Variants in SV2C observed in about 807,000 individuals in gnomAD.
SV2C encodes the protein solute carrier family 22 member B3.
Under a neutral mutation model 79.7 loss-of-function variants are expected in SV2C, and 49 were observed. The ratio of observed to expected loss-of-function variants is 0.61; its 90% CI spans 0.49 to 0.78. SV2C has a LOEUF of 0.78. SV2C is among the 30% of genes least tolerant of loss of function. The pLI is 0.00. For missense variants in SV2C, 833 were observed against 912.9 expected (o/e 0.91, Z 1.13); for synonymous variants, 334 against 333.2 (o/e 1.00, Z -0.03).
the SV2C span, among the ~76,000 whole-genome samples, chr5:75,899,736 G>T: frequency 6.6e-6 from 1 of 152,264 alleles, no homozygotes; most frequent in South Asian, 2.1e-4. Flanking sequence ...CTTGCTTTAT[G>T]AATCTGGGTG....
the SV2C span, among the ~76,000 whole-genome samples, chr5:75,922,616 C>T: frequency 6.6e-6 from 1 of 152,214 alleles, no homozygotes; most frequent in Non-Finnish European, 1.5e-5. Flanking sequence ...TAAAAGAAGA[C>T]TGTCTTTCCC....
intron 4 of SV2C, among the ~76,000 whole-genome samples, chr5:76,281,860 A>G (rs571106159): frequency 1.4e-4 from 21 of 152,326 alleles, no homozygotes; most frequent in African/African-American, 4.6e-4. Context: ...ATTGAGCCCA[A>G]CCATATAATA....
intron 2 of SV2C, among the ~76,000 whole-genome samples, chr5:76,135,968 T>A (rs528286423): frequency 1.4e-4 from 21 of 152,306 alleles, no homozygotes; most frequent in African/African-American, 5.1e-4. Flanking sequence ...GGGGCTGGCC[T>A]CCCACTCACT....
chr5:75,984,545 C>G, the SV2C span, among the ~76,000 whole-genome samples: 1 of 30,014 alleles, frequency 3.3e-5, no homozygotes, highest in Non-Finnish European at 7.8e-5. Flanking sequence ...GCCTATCTAT[C>G]TATCTATCTA....
At chr5:76,249,562 G>T (rs2112436248) in intron 4 of SV2C, among the ~76,000 whole-genome samples, 1 of 152,272 alleles carries the variant, frequency 6.6e-6, no homozygotes, top group South Asian at 2.1e-4. Flanking sequence ...TTGAATAATT[G>T]TGTTAATACC....
Position 76,149,766 on chromosome 5 carries a change from T to C in SV2C, c.580+17436T>C, listed in dbSNP as rs373728166. ...TTGGCTTATTTATGCTGGTCTTTCT[T>C]TCTTATACACAGTGGGGGGACATCT... On this transcript the variant is annotated intron_variant, in intron 2 of 12. Coordinates refer to ENST00000502798, the MANE Select transcript of SV2C (RefSeq NM_014979.4). Among the ~76,000 whole-genome samples the C allele has an allele frequency of 6.6e-5, 10 of 152,360 alleles. No individual in the cohort carries two copies. The East Asian group carries it at 1.9e-3, about 29-fold the overall frequency.
rs567726591 is a variant in SV2C at position 76,102,765 on chromosome 5, T to G, written c.-102+19253T>G. 3.6e-4 allele frequency among the ~76,000 whole-genome samples: 55 copies of G among 152,310 alleles called. 2 individuals are homozygous for G. Among genetic ancestry groups the G allele is most frequent in the Non-Finnish European group, 6.0e-4 (41 of 68,014 alleles). On this transcript the variant is annotated intron_variant, in intron 1 of 12. Transcript: ENST00000502798. The stretch of plus-strand genomic sequence containing the variant: ...AAAGACTCGTTTGGCTTAGATGGTT[T>G]ACTTGTAGCCTTGTTGAGAGATGTT...
chr5:76,209,944 T>C, intron 4 of SV2C, 57 bp downstream of exon 4: 1 of 1,540,472 alleles, frequency 6.5e-7, no homozygotes, highest in Non-Finnish European at 8.8e-7. Context: ...TCAGGCTCCA[T>C]TCCCATCTTC....
the SV2C span, among the ~76,000 whole-genome samples, chr5:75,884,993 T>C: frequency 1.3e-5 from 2 of 152,008 alleles, no homozygotes; most frequent in African/African-American, 2.4e-5. Flanking sequence ...GAAACAACAA[T>C]AGAATAAAGG....
At chr5:75,954,415 T>G in the SV2C span, among the ~76,000 whole-genome samples, 1 of 152,016 alleles carries the variant, frequency 6.6e-6, no homozygotes, top group Non-Finnish European at 1.5e-5. Context: ...ACCTAATTTA[T>G]TGAGAGTTTT....
At chr5:75,896,477 G>C in the SV2C span, among the ~76,000 whole-genome samples, 1 of 151,324 alleles carries the variant, frequency 6.6e-6, no homozygotes, top group African/African-American at 2.5e-5. Context: ...TGGACATTTG[G>C]GTTGGTTCCA....
the SV2C span, among the ~76,000 whole-genome samples, chr5:75,916,785 T>C: frequency 2.4e-4 from 36 of 149,778 alleles, 1 homozygote; most frequent in South Asian, 7.4e-3. Context: ...CTCATCATCT[T>C]CTTTACCTCC....
chr5:76,097,845 A>G (rs1747615018), intron 1 of SV2C, among the ~76,000 whole-genome samples: 1 of 152,174 alleles, frequency 6.6e-6, no homozygotes, highest in African/African-American at 2.4e-5. Context: ...CTGTGAAGGC[A>G]GTCACATTAT....
chr5:76,256,530 C>T lies in SV2C; in HGVS notation c.914-28632C>T, dbSNP rs17674512. 2.1e-3 allele frequency among the ~76,000 whole-genome samples: 320 copies of T among 152,304 alleles called. 13 individuals are homozygous for T. The East Asian group carries it at 0.057, about 27-fold the overall frequency. ...ACCCTAGAATGAAGCAACCCTTAAACGTTTTAGCTTTGTGACTTGTGTCCA... is the reference window on the plus strand; with the variant it reads ...ACCCTAGAATGAAGCAACCCTTAAATGTTTTAGCTTTGTGACTTGTGTCCA... On this transcript the variant is annotated intron_variant, in intron 4 of 12. Coordinates refer to ENST00000502798, the MANE Select transcript of SV2C (RefSeq NM_014979.4).
chr5:76,031,681 T>A, the SV2C span, among the ~76,000 whole-genome samples: 2 of 152,204 alleles, frequency 1.3e-5, no homozygotes, highest in African/African-American at 4.8e-5. Context: ...ATATCTTTAT[T>A]ATTACCTAGG....
chr5:75,968,102 G>A, the SV2C span, among the ~76,000 whole-genome samples: 1 of 152,230 alleles, frequency 6.6e-6, no homozygotes, highest in African/African-American at 2.4e-5. Context: ...CAGACCTGCA[G>A]CTGAGGGTCC....
chr5:76,034,099 G>A, the SV2C span, among the ~76,000 whole-genome samples: 2 of 151,860 alleles, frequency 1.3e-5, no homozygotes, highest in Non-Finnish European at 2.9e-5. Context: ...CATTGATTTT[G>A]TATCCTGAGA....
At chr5:76,095,416 G>A (rs1036848255) in intron 1 of SV2C, among the ~76,000 whole-genome samples, 1 of 152,034 alleles carries the variant, frequency 6.6e-6, no homozygotes, top group African/African-American at 2.4e-5. Context: ...TTAGTGTGCT[G>A]CCTTTAAAAA....
chr5:75,874,823 T>G, the SV2C span, among the ~76,000 whole-genome samples: 1 of 151,806 alleles, frequency 6.6e-6, no homozygotes, highest in Non-Finnish European at 1.5e-5. Context: ...ACAAAAAGAA[T>G]AAAACACCTA....
Sources: gnomAD v4.1 joint callset for allele counts (sites outside exome capture counted in the v4.1 genomes callset) on GRCh38, gnomAD v4.1.1 for gene constraint, MANE v1.5 for transcripts, NCBI Gene and HGNC (gene_info 2026-07-23, HGNC 2026-07-21) for gene names.